MCF2L2: variants seen among roughly 807,000 people sequenced by gnomAD.
The protein encoded by MCF2L2 is MCF.2 cell line derived transforming sequence-like 2, also known as probable guanine nucleotide exchange factor MCF2L2.
Under a neutral mutation model 150.2 loss-of-function variants are expected in MCF2L2, and 102 were observed. The ratio of observed to expected loss-of-function variants is 0.68; its 90% CI spans 0.58 to 0.80. MCF2L2 has a LOEUF of 0.80. MCF2L2 is among the 30% of genes least tolerant of loss of function. The pLI is 0.00. For missense variants in MCF2L2, 1,256 were observed against 1,372.8 expected (o/e 0.91, Z 1.34); for synonymous variants, 465 against 491.3 (o/e 0.95, Z 0.71).
intron 15 of MCF2L2, among the ~76,000 whole-genome samples, chr3:183,249,236 C>T (rs960134286): frequency 1.3e-5 from 2 of 152,144 alleles, no homozygotes; most frequent in East Asian, 1.9e-4. Flanking sequence ...TGTATGCTTC[C>T]GGGAGTGTGG....
At chr3:183,386,279 G>T (rs1713826803) in intron 2 of MCF2L2, among the ~76,000 whole-genome samples, 2 of 152,174 alleles carry the variant, frequency 1.3e-5, no homozygotes, top group South Asian at 4.1e-4. Flanking sequence ...TTGTTTCCTA[G>T]CTAAGCCCTG....
chr3:183,283,678 T>C lies in MCF2L2; in HGVS notation c.1776+5442A>G, dbSNP rs1358611359. Among the ~76,000 whole-genome samples the C allele has an allele frequency of 2.6e-5, 4 of 152,036 alleles. No individual in the cohort carries two copies. The highest frequency in any genetic ancestry group is 5.9e-5 in the Non-Finnish European group (4 of 67,990). On this transcript the variant is annotated intron_variant, in intron 14 of 29. Transcript: ENST00000328913. This position sits in a 1 kb window ranked among gnomAD's most constrained non-coding sequence, Gnocchi z 4.2. ...CTGGGATTACAGGTGCCCGCCACCA[T>C]GCCCAGCTAATTTTTGTATTTTTAG... is the stretch of plus-strand genomic sequence containing the variant.
chr3:183,317,123 T>C (rs1729635132), intron 7 of MCF2L2, among the ~76,000 whole-genome samples: 2 of 152,176 alleles, frequency 1.3e-5, no homozygotes, highest in Admixed American at 1.3e-4. Flanking sequence ...CTAGACTGTG[T>C]TCGTTAAGGT....
chr3:183,206,669 C>T (rs1016357128), intron 23 of MCF2L2, among the ~76,000 whole-genome samples: 7 of 152,056 alleles, frequency 4.6e-5, no homozygotes, highest in East Asian at 1.9e-4. Context: ...GTCAGGAGTT[C>T]GAGACCAGCC....
intron 15 of MCF2L2, among the ~76,000 whole-genome samples, chr3:183,264,537 A>G (rs929073006): frequency 2.6e-5 from 4 of 152,258 alleles, no homozygotes; most frequent in Admixed American, 2.0e-4. Context: ...TGTGTCTGGT[A>G]TAAGAACCCG....
chr3:183,387,915 G>A (rs577984957), intron 2 of MCF2L2, among the ~76,000 whole-genome samples: 47 of 116,594 alleles, frequency 4.0e-4, no homozygotes, highest in Non-Finnish European at 1.1e-4. Flanking sequence ...CTGGATGACA[G>A]AGCAAGACTC....
chr3:183,268,715 G>T (rs969239708), intron 15 of MCF2L2, among the ~76,000 whole-genome samples: 1 of 152,048 alleles, frequency 6.6e-6, no homozygotes, highest in African/African-American at 2.4e-5. Context: ...TAAAGACTTC[G>T]AGTTAAACGG....
intron 25 of MCF2L2, among the ~76,000 whole-genome samples, chr3:183,203,219 GA>G (rs1241338906): frequency 1.4e-5 from 2 of 146,794 alleles, no homozygotes; most frequent in Admixed American, 6.8e-5. Context: ...TCTCAAAAAA[GA>G]AAAAAAAAGA....
chr3:183,221,652 T>C (rs1723152446), intron 20 of MCF2L2, among the ~76,000 whole-genome samples: 1 of 152,172 alleles, frequency 6.6e-6, no homozygotes, highest in Non-Finnish European at 1.5e-5. Context: ...AGGTTGGACT[T>C]CTACAATAGG....
intron 5 of MCF2L2, among the ~76,000 whole-genome samples, chr3:183,337,081 A>C (rs908613393): frequency 5.9e-5 from 9 of 152,170 alleles, no homozygotes; most frequent in African/African-American, 2.2e-4. Context: ...AAATGTATCC[A>C]TGTTGTTGAA....
chr3:183,356,404 T>A (rs1711788103), intron 3 of MCF2L2, among the ~76,000 whole-genome samples: 1 of 152,026 alleles, frequency 6.6e-6, no homozygotes, highest in South Asian at 2.1e-4. Flanking sequence ...TCCCAGCTAC[T>A]CAGGAGGTTG....
intron 5 of MCF2L2, among the ~76,000 whole-genome samples, chr3:183,323,636 A>T (rs114265825): frequency 0.13 from 19,300 of 151,546 alleles, 1,306 homozygotes; most frequent in African/African-American, 0.14. Context: ...TAGAAAAAAA[A>T]TAAAAAAAAA....
At chr3:183,292,602 C>A (rs1037385639) in intron 13 of MCF2L2, among the ~76,000 whole-genome samples, 3 of 151,704 alleles carry the variant, frequency 2.0e-5, no homozygotes, top group Admixed American at 2.0e-4. Flanking sequence ...CACACACACA[C>A]GTATGTATTT....
intron 5 of MCF2L2, among the ~76,000 whole-genome samples, chr3:183,332,055 A>G (rs1730293420): frequency 6.6e-6 from 1 of 152,228 alleles, no homozygotes; most frequent in Non-Finnish European, 1.5e-5. Flanking sequence ...ATGACCAGGA[A>G]GATGTTATAA....
At chr3:183,201,988 A>G (rs776439008) in intron 25 of MCF2L2, among the ~76,000 whole-genome samples, 1 of 152,122 alleles carries the variant, frequency 6.6e-6, no homozygotes, top group Non-Finnish European at 1.5e-5. Context: ...ATGACTAATG[A>G]GCTTTTTAAC....
chr3:183,368,413 G>C (rs1712666956), intron 3 of MCF2L2, among the ~76,000 whole-genome samples: 1 of 152,128 alleles, frequency 6.6e-6, no homozygotes, highest in Non-Finnish European at 1.5e-5. Flanking sequence ...GTCTATGGTT[G>C]CTTTTGAGCT....
intron 15 of MCF2L2, among the ~76,000 whole-genome samples, chr3:183,254,951 A>G (rs1446662934): frequency 2.0e-5 from 3 of 152,170 alleles, no homozygotes; most frequent in South Asian, 2.1e-4. Context: ...ACAGTTTTCA[A>G]CTCGACTCTT....
chr3:183,192,824 C>T (rs1459065910), intron 27 of MCF2L2, 175 bp downstream of exon 27: 2 of 548,242 alleles, frequency 3.6e-6, no homozygotes, highest in East Asian at 5.8e-5. Context: ...ATTAGCTCTA[C>T]ACAAATGAAT....
chr3:183,300,211 C>G lies in MCF2L2; in HGVS notation c.1114-15G>C. 2 of 1,588,332 alleles carry G rather than the reference C, an allele frequency of 1.3e-6. No individual in the cohort carries two copies. Among genetic ancestry groups the G allele is most frequent in the South Asian group, 2.3e-5 (2 of 87,380 alleles). On this transcript the variant is annotated splice_polypyrimidine_tract_variant and intron_variant, in intron 10 of 29. Transcript: ENST00000328913. The stretch of plus-strand genomic sequence containing the variant: ...TCCAGGGGCTCCTGCAAAGTGAACA[C>G]CCACAGCCAGGCGTCAGAAGTCAGA...
Sources: allele counts gnomAD v4.1 joint callset (sites outside exome capture counted in the v4.1 genomes callset), GRCh38; gene constraint gnomAD v4.1.1; non-coding constraint Gnocchi (gnomAD v3.1); transcripts MANE v1.5; gene names NCBI Gene and HGNC (gene_info 2026-07-23, HGNC 2026-07-21).